The following CDH12 variants were observed in gnomAD, a reference collection of about 807,000 sequenced individuals.
The protein encoded by CDH12 is cadherin-12.
Under a neutral mutation model 74.1 loss-of-function variants are expected in CDH12, and 41 were observed. The ratio of observed to expected loss-of-function variants is 0.55; its 90% confidence interval spans 0.43 to 0.72. CDH12 has a LOEUF of 0.72. CDH12 is among the 30% of genes least tolerant of loss of function. CDH12 has a pLI of 0.00. For missense variants in CDH12, 945 were observed against 977.2 expected (o/e 0.97, Z 0.44); for synonymous variants, 399 against 355.0 (o/e 1.12, Z -1.39).
Position 22,078,768 on chromosome 5 carries a change from C to G in CDH12, c.-92G>C. 1.3e-6 allele frequency: 2 copies of G among 1,513,826 alleles called. No individual in the cohort carries two copies. The highest frequency in any genetic ancestry group is 2.3e-5 in the Admixed American group (1 of 42,902). 93.8% of individuals were successfully genotyped at this position (1,513,826 alleles called of 1,614,324 possible). ...GGTTTGAGGTGTCTGTGGCCTCCACCACTTAGCTTCTTGTTTTATTGCAGA... is the reference window on the plus strand; with the variant it reads ...GGTTTGAGGTGTCTGTGGCCTCCACGACTTAGCTTCTTGTTTTATTGCAGA... On this transcript the variant is annotated 5_prime_UTR_variant, in exon 5 of 15. Coordinates refer to ENST00000382254, the MANE Select transcript of CDH12 (RefSeq NM_004061.5).
intron 6 of CDH12, among the ~76,000 whole-genome samples, chr5:21,916,589 T>C (rs1754106028): frequency 6.6e-6 from 1 of 152,116 alleles, no homozygotes; most frequent in Non-Finnish European, 1.5e-5. Flanking sequence ...ACTTCTGCAG[T>C]CTTCCTCACT....
At chr5:21,907,443 A>G (rs925889841) in intron 6 of CDH12, among the ~76,000 whole-genome samples, 2 of 152,190 alleles carry the variant, frequency 1.3e-5, no homozygotes, top group African/African-American at 2.4e-5. Context: ...ATTTGCTCCT[A>G]TGTTGGCAAA....
intron 3 of CDH12, among the ~76,000 whole-genome samples, chr5:22,362,944 G>A (rs985832721): frequency 8.7e-6 from 1 of 114,630 alleles, no homozygotes; most frequent in African/African-American, 3.1e-5. Flanking sequence ...GGTGGGGGGA[G>A]GGGGGAGGGA....
At chr5:21,913,421 G>T (rs1024724874) in intron 6 of CDH12, among the ~76,000 whole-genome samples, 2 of 151,972 alleles carry the variant, frequency 1.3e-5, no homozygotes, top group African/African-American at 2.4e-5. Context: ...AATGATATAC[G>T]TGTATCTTCT....
At chr5:22,830,703 TTGAATTTCA>T in intron 1 of CDH12, among the ~76,000 whole-genome samples, 1 of 151,880 alleles carries the variant, frequency 6.6e-6, no homozygotes, top group East Asian at 1.9e-4. Context: ...GCCTTTAGAA[TTGAATTTCA>T]TGTAAAACAT....
chr5:22,389,945 G>T (rs1019547485), intron 3 of CDH12, among the ~76,000 whole-genome samples: 1 of 151,684 alleles, frequency 6.6e-6, no homozygotes, highest in African/African-American at 2.4e-5. Context: ...ACCGTGCCTG[G>T]CCGACAATTG....
intron 1 of CDH12, among the ~76,000 whole-genome samples, chr5:22,627,820 G>C (rs1738376012): frequency 6.6e-6 from 1 of 152,050 alleles, no homozygotes. Flanking sequence ...AGACCCAACT[G>C]TATGTTGTCT....
At position 21,923,578 on chromosome 5, in the gene CDH12, A is replaced by G. The variant is rs75720829; in HGVS notation, c.526+51513T>C. ...CTCAGGGTATCTGTTATGTTTCTTT[A>G]TGCTCCCCATGTCTTCTATGAGCTG... On this transcript the variant is annotated intron_variant, in intron 6 of 14. Coordinates refer to ENST00000382254, the MANE Select transcript of CDH12 (RefSeq NM_004061.5). Among the ~76,000 whole-genome samples the G allele has an allele frequency of 1.3e-4, 20 of 152,108 alleles. No homozygotes were observed. The East Asian group carries it at 3.9e-3, about 29-fold the overall frequency.
At chr5:22,658,231 A>T (rs1040863075) in intron 1 of CDH12, among the ~76,000 whole-genome samples, 10 of 152,112 alleles carry the variant, frequency 6.6e-5, no homozygotes, top group African/African-American at 2.2e-4. Context: ...TTATTGTCTA[A>T]ACATTCTGGA....
At chr5:22,014,864 C>A (rs4340885) in intron 5 of CDH12, among the ~76,000 whole-genome samples, 53,580 of 151,510 alleles carry the variant, frequency 0.35, 12,343 homozygotes, top group African/African-American at 0.66. Flanking sequence ...GAATTTCAGC[C>A]GAAAAAATAA....
At chr5:21,834,659 C>T (rs1451162805) in intron 8 of CDH12, among the ~76,000 whole-genome samples, 1 of 151,958 alleles carries the variant, frequency 6.6e-6, no homozygotes, top group Non-Finnish European at 1.5e-5. Flanking sequence ...ATAATTGAAA[C>T]ATTAACATAT....
Position 21,884,172 on chromosome 5 carries a change from G to C in CDH12, c.527-29382C>G, listed in dbSNP as rs560083759. ...TGACCCAACAAAGCTTGTGAGAACT[G>C]CTTTATTGGATGCTGCTGGTGTGGC... On this transcript the variant is annotated intron_variant, in intron 6 of 14. Transcript: ENST00000382254. 26 of 1,584,272 alleles carry C rather than the reference G, an allele frequency of 1.6e-5. No homozygotes were observed. In the East Asian group the frequency reaches 5.6e-4, roughly 34 times the overall value.
At chr5:22,585,470 A>G (rs1044349074) in intron 1 of CDH12, among the ~76,000 whole-genome samples, 1 of 152,120 alleles carries the variant, frequency 6.6e-6, no homozygotes, top group Non-Finnish European at 1.5e-5. Flanking sequence ...TAGTAATGAT[A>G]TTGTAAACAC....
chr5:22,467,014 C>CTT (rs34815610), intron 2 of CDH12, among the ~76,000 whole-genome samples: 64,463 of 150,940 alleles, frequency 0.43, 14,140 homozygotes, highest in Admixed American at 0.61. Context: ...GTCTGGATCT[C>CTT]GACCTCGTGA....
chr5:22,821,910 G>A (rs534304852), intron 1 of CDH12, among the ~76,000 whole-genome samples: 15 of 151,610 alleles, frequency 9.9e-5, no homozygotes, highest in African/African-American at 3.6e-4. Context: ...CCAAAAAAGA[G>A]CCTGCATTGC....
intron 4 of CDH12, among the ~76,000 whole-genome samples, chr5:22,200,899 T>C (rs967466077): frequency 6.6e-6 from 1 of 152,200 alleles, no homozygotes; most frequent in Non-Finnish European, 1.5e-5. Flanking sequence ...AGTGTGGCAT[T>C]ATTCAATGAT....
At chr5:22,610,576 T>C (rs1049380019) in intron 1 of CDH12, among the ~76,000 whole-genome samples, 2 of 152,038 alleles carry the variant, frequency 1.3e-5, no homozygotes, top group African/African-American at 2.4e-5. Context: ...TTGATTCAAG[T>C]GAAAAGAATA....
At chr5:22,184,283 A>T (rs747533012) in intron 4 of CDH12, among the ~76,000 whole-genome samples, 2 of 152,206 alleles carry the variant, frequency 1.3e-5, no homozygotes, top group Non-Finnish European at 2.9e-5. Flanking sequence ...AAGTAGTGAG[A>T]TGGGTTCATA....
At chr5:22,756,973 AT>A (rs1486796825) in intron 1 of CDH12, among the ~76,000 whole-genome samples, 2 of 148,644 alleles carry the variant, frequency 1.3e-5, no homozygotes, top group African/African-American at 2.5e-5. Context: ...AAAAAAAAAA[AT>A]TAATTGTTAC....
Sources: allele counts gnomAD v4.1 joint callset (sites outside exome capture counted in the v4.1 genomes callset), GRCh38; gene constraint gnomAD v4.1.1; transcripts MANE v1.5; gene names NCBI Gene and HGNC (gene_info 2026-07-23, HGNC 2026-07-21).